VOPP1: variants seen among roughly 807,000 people sequenced by gnomAD.
VOPP1 encodes the protein WW domain binding protein VOPP1.
VOPP1 carries 8 observed loss-of-function variants against 23.5 expected under a neutral mutation model. The ratio of observed to expected loss-of-function variants is 0.34; its 90% confidence interval spans 0.20 to 0.61. The LOEUF is 0.61. Ranked by LOEUF, VOPP1 falls within the 20% of genes least tolerant of loss-of-function variation. VOPP1 has a pLI of 0.78. For missense variants in VOPP1, 174 were observed against 238.1 expected (o/e 0.73, Z 1.77); for synonymous variants, 83 against 97.3 (o/e 0.85, Z 0.86).
Position 55,471,611 on chromosome 7 carries a change from C to T in VOPP1, c.*1244G>A, listed in dbSNP as rs1372378356. ...ACACATCAACACTATAACTATGCGG[C>T]GGAACTAGCTCCCCGCTAGCCGTCA... On this transcript the variant is annotated 3_prime_UTR_variant, in exon 5 of 5. Transcript: ENST00000285279. 4.6e-5 allele frequency: 7 copies of T among 151,336 alleles called. No individual in the cohort carries two copies. Among genetic ancestry groups the T allele is most frequent in the Non-Finnish European group, 1.0e-4 (7 of 67,836 alleles). The allele number at this position is 151,336 out of a possible 1,614,324, so 9.4% of individuals were successfully genotyped here. A position where few individuals can be genotyped will look rare whatever the true frequency, so the allele number is the denominator to read the frequency against.
At chr7:55,550,183 G>A (rs1271764844) in intron 1 of VOPP1, among the ~76,000 whole-genome samples, 1 of 152,200 alleles carries the variant, frequency 6.6e-6, no homozygotes. Flanking sequence ...CCACTTCCTG[G>A]AATAGCAATA....
chr7:55,434,975 T>C (rs909815172), downstream of VOPP1, among the ~76,000 whole-genome samples: 10 of 152,238 alleles, frequency 6.6e-5, no homozygotes, highest in Non-Finnish European at 1.3e-4. Context: ...AGTTTTCACA[T>C]CTGTTGCTTC....
At chr7:55,463,771 C>T (rs570055129) in intron 4 of VOPP1, among the ~76,000 whole-genome samples, 5 of 152,296 alleles carry the variant, frequency 3.3e-5, no homozygotes, top group Admixed American at 6.5e-5. Context: ...CTGGATATTG[C>T]ATGTGGTCAC....
At chr7:55,549,876 C>T (rs769331588) in intron 1 of VOPP1, among the ~76,000 whole-genome samples, 3 of 152,212 alleles carry the variant, frequency 2.0e-5, no homozygotes, top group African/African-American at 7.2e-5. Flanking sequence ...CCTCCATGAG[C>T]GGTGCTCTCA....
chr7:55,551,902 T>A (rs952528920), intron 1 of VOPP1, among the ~76,000 whole-genome samples: 2 of 151,434 alleles, frequency 1.3e-5, no homozygotes, highest in African/African-American at 4.9e-5. Flanking sequence ...TAGCCACACA[T>A]GGTGGCGCAT....
intron 1 of VOPP1, chr7:55,537,563 TCGCCAGCCA>T: frequency 1.3e-6 from 2 of 1,535,906 alleles, no homozygotes. Context: ...GCGCACCTCC[TCGCCAGCCA>T]GTCGCCCACG....
At chr7:55,483,662 TG>T (rs2129014524) in intron 4 of VOPP1, among the ~76,000 whole-genome samples, 1 of 152,310 alleles carries the variant, frequency 6.6e-6, no homozygotes, top group Non-Finnish European at 1.5e-5. Flanking sequence ...TAATCCCTCC[TG>T]GTGAATTCTG....
At chr7:55,552,509 T>C (rs1797650586) in intron 1 of VOPP1, 1 of 1,349,104 alleles carries the variant, frequency 7.4e-7, no homozygotes, top group Non-Finnish European at 1.0e-6. Context: ...ACAGGATGGA[T>C]CTCCATGCTT....
At chr7:55,565,668 T>C (rs1473323210) in intron 1 of VOPP1, among the ~76,000 whole-genome samples, 1 of 152,204 alleles carries the variant, frequency 6.6e-6, no homozygotes, top group Non-Finnish European at 1.5e-5. Context: ...TATTGTGAGG[T>C]GTGGTGGATT....
intron 4 of VOPP1, among the ~76,000 whole-genome samples, chr7:55,479,902 A>G (rs1792574493): frequency 6.6e-6 from 1 of 152,320 alleles, no homozygotes; most frequent in Non-Finnish European, 1.5e-5. Context: ...TAAGGAATAT[A>G]TATCAAATTG....
rs375925027 is a variant in VOPP1 at position 55,509,812 on chromosome 7, C to G, written c.113+11260G>C. Reference sequence around the variant, plus strand: ...CCGGAACCTATTCTTTTCATGGTCTCTCTCTGTCTTCCCAACCAGAAACCT... The same window carrying G: ...CCGGAACCTATTCTTTTCATGGTCTGTCTCTGTCTTCCCAACCAGAAACCT... On this transcript the variant is annotated intron_variant, in intron 2 of 4. Transcript: ENST00000285279. 6.6e-5 allele frequency among the ~76,000 whole-genome samples: 10 copies of G among 152,324 alleles called. No homozygotes were observed. In the East Asian group the frequency reaches 1.2e-3, roughly 18 times the overall value.
At chr7:55,462,444 C>G (rs955768330) in intron 4 of VOPP1, among the ~76,000 whole-genome samples, 1 of 152,240 alleles carries the variant, frequency 6.6e-6, no homozygotes, top group African/African-American at 2.4e-5. Context: ...TAAATAGGTT[C>G]TCTATGCCTT....
chr7:55,555,449 T>C (rs765053348), intron 1 of VOPP1, among the ~76,000 whole-genome samples: 16 of 152,292 alleles, frequency 1.1e-4, no homozygotes, highest in Admixed American at 2.0e-4. Flanking sequence ...CAACCTCACT[T>C]TGTGAATCTG....
chr7:55,475,368 T>A (rs1412869222), intron 4 of VOPP1, among the ~76,000 whole-genome samples: 1 of 152,122 alleles, frequency 6.6e-6, no homozygotes, highest in Non-Finnish European at 1.5e-5. Context: ...ACCACAGGTT[T>A]GGCGGAGCGG....
intron 1 of VOPP1, chr7:55,552,513 C>T (rs1797650885): frequency 7.2e-7 from 1 of 1,387,688 alleles, no homozygotes; most frequent in Non-Finnish European, 9.8e-7. Context: ...GATGGATCTC[C>T]ATGCTTACAC....
At chr7:55,545,796 G>T (rs1389109923) in intron 1 of VOPP1, among the ~76,000 whole-genome samples, 2 of 152,038 alleles carry the variant, frequency 1.3e-5, no homozygotes, top group Non-Finnish European at 2.9e-5. Flanking sequence ...GGAATGATTT[G>T]GCTGGGTGCA....
chr7:55,482,765 A>G (rs556375082), intron 4 of VOPP1, among the ~76,000 whole-genome samples: 2 of 152,288 alleles, frequency 1.3e-5, no homozygotes, highest in Non-Finnish European at 2.9e-5. Context: ...GCTTTAAGAC[A>G]TTGGGGCCCT....
chr7:55,542,296 A>C (rs1797166536), intron 1 of VOPP1, among the ~76,000 whole-genome samples: 1 of 152,182 alleles, frequency 6.6e-6, no homozygotes, highest in South Asian at 2.1e-4. Flanking sequence ...AGCTATTTTG[A>C]AATATATAAT....
chr7:55,487,590 T>G (rs1793234017), intron 4 of VOPP1, among the ~76,000 whole-genome samples: 1 of 152,242 alleles, frequency 6.6e-6, no homozygotes. Context: ...TCTGACTGGC[T>G]GGGACTACAG....
Sources: allele counts gnomAD v4.1 joint callset (sites outside exome capture counted in the v4.1 genomes callset), GRCh38; gene constraint gnomAD v4.1.1; transcripts MANE v1.5; gene names NCBI Gene and HGNC (gene_info 2026-07-23, HGNC 2026-07-21).